The following RESP18 variants were observed in gnomAD, a reference collection of about 807,000 sequenced individuals.
The protein encoded by RESP18 is regulated endocrine-specific protein 18.
Under a neutral mutation model 30.0 loss-of-function variants are expected in RESP18, and 30 were observed. The ratio of observed to expected loss-of-function variants is 1.00; its 90% CI spans 0.75 to 1.36. RESP18 has a LOEUF of 1.36. Ranked by LOEUF, RESP18 falls within the 40% of genes most tolerant of loss-of-function variation. The probability of loss-of-function intolerance (pLI) is 0.00; values close to 1 mark genes in which losing one functional copy is unlikely to be tolerated. For missense variants in RESP18, 320 were observed against 284.2 expected, an observed-to-expected ratio of 1.13 and a Z score of -0.91; for synonymous variants, 117 against 111.2, an observed-to-expected ratio of 1.05 and a Z score of -0.33.
intron 4 of RESP18, 185 bp downstream of exon 3, chr2:219,329,452 A>G: frequency 6.4e-7 from 1 of 1,550,396 alleles, no homozygotes; most frequent in Non-Finnish European, 8.7e-7. Context: ...TGCCACACCC[A>G]CCTCCCCTCC....
At chr2:219,327,705 C>T (rs1952788058) in intron 6 of RESP18, 142 bp from the exon 6 acceptor site, 4 of 732,422 alleles carry the variant, frequency 5.5e-6, no homozygotes, top group Non-Finnish European at 7.2e-6. Flanking sequence ...CAACTGAGAG[C>T]CTGTCCCCTT....
Position 219,329,691 on chromosome 2 carries a change from G to A in RESP18, c.411C>T (p.Pro137=), listed in dbSNP as rs1574948109. Residue 137 remains proline, a synonymous_variant, in exon 4 of 7, where the codon CCC becomes CCT. Transcript: ENST00000333527. ...TCCCATCCTTCAGGCATGGTTCTTG[G>A]GGATGCAGTCTGCTGGCATGCTCCA... is the stretch of plus-strand genomic sequence containing the variant. 1.3e-6 allele frequency: 2 copies of A among 1,551,608 alleles called. No individual in the cohort carries two copies. The highest frequency in any genetic ancestry group is 1.7e-6 in the Non-Finnish European group (2 of 1,146,984).
intron 2 of RESP18, 118 bp from the exon 2 acceptor site, chr2:219,330,993 C>T: frequency 1.5e-6 from 1 of 654,838 alleles, no homozygotes; most frequent in Non-Finnish European, 2.8e-6. Flanking sequence ...GTTCCCACTA[C>T]CAGGCCGCTT....
At chr2:219,328,890 C>G (rs1448594091) in intron 6 of RESP18, 34 bp downstream of exon 5, 2 of 1,380,364 alleles carry the variant, frequency 1.4e-6, no homozygotes, top group Non-Finnish European at 2.0e-6. Flanking sequence ...GAAAACTCTG[C>G]TGTTTCAATG....
chr2:219,329,574 T>A lies in RESP18; in HGVS notation c.465+63A>T, dbSNP rs560255002. On this transcript the variant is annotated intron_variant, in intron 4 of 6. Coordinates refer to ENST00000333527, the MANE Select transcript of RESP18 (RefSeq NM_001007089.4). ...TTCTACCTGCAGTTTTAGCACACATTCCTTCCCTGTTCCGTCTGTCTGCCA... is the reference window on the plus strand; with the variant it reads ...TTCTACCTGCAGTTTTAGCACACATACCTTCCCTGTTCCGTCTGTCTGCCA... 29 of 1,546,536 alleles carry A rather than the reference T, an allele frequency of 1.9e-5. No individual in the cohort carries two copies. In the South Asian group the frequency reaches 3.1e-4, roughly 17 times the overall value.
rs1184928460 is a variant in RESP18, at chr2:219,332,759, G to A, written c.18-21C>T. ...CGAATCTGTTTAACCCTCCTCGGCAGTTCAGCCAATCGTGAGCGGGCCCTG... is the reference window on the plus strand; with the variant it reads ...CGAATCTGTTTAACCCTCCTCGGCAATTCAGCCAATCGTGAGCGGGCCCTG... On this transcript the variant is annotated intron_variant, in intron 1 of 6. Transcript: ENST00000333527. 1.3e-6 allele frequency: 2 copies of A among 1,515,874 alleles called. No homozygotes were observed. The highest frequency in any genetic ancestry group is 2.5e-5 in the East Asian group (1 of 40,246). The allele number at this position is 1,515,874 out of a possible 1,614,324, so 93.9% of individuals were successfully genotyped here.
rs1574947694 is a variant in RESP18, at chr2:219,329,107, A to G, written c.555+56T>C. On this transcript the variant is annotated intron_variant, in intron 5 of 6. Coordinates refer to ENST00000333527, the MANE Select transcript of RESP18 (RefSeq NM_001007089.4). ...CCTCAATGCCCATTCCCTTCTTCCT[A>G]TCTGCCTCCCTCATTTAAACAGGTC... 9.3e-6 allele frequency: 14 copies of G among 1,502,446 alleles called. No homozygotes were observed. The East Asian group carries it at 2.7e-4, about 29-fold the overall frequency. The allele number at this position is 1,502,446 out of a possible 1,614,324, so 93.1% of individuals were successfully genotyped here.
rs768070245 is a variant in RESP18, at chr2:219,332,552, C to T, written c.204G>A (p.Pro68=). The stretch of plus-strand genomic sequence containing the variant: ...GGGCACTAGTGTCGCTGCAGCCCCC[C>T]GGGCAGCTGTTCAGCAGCAGGAAGC... Residue 68 remains proline (P), a synonymous_variant, in exon 2 of 7, where the codon CCG becomes CCA. Coordinates refer to ENST00000333527, the MANE Select transcript of RESP18 (RefSeq NM_001007089.4). 3.9e-5 allele frequency: 61 copies of T among 1,551,298 alleles called. No individual in the cohort carries two copies. In the African/African-American group the frequency reaches 6.6e-4, roughly 17 times the overall value.
chr2:219,330,940 G>T (rs1574948915), intron 2 of RESP18, 65 bp from the exon 2 acceptor site: 1 of 940,988 alleles, frequency 1.1e-6, no homozygotes, highest in East Asian at 2.6e-5. Context: ...CAGTTGAAGA[G>T]AAGCAGCTTC....
At chr2:219,330,457 C>G (rs1952818022) in intron 3 of RESP18, among the ~76,000 whole-genome samples, 1 of 151,672 alleles carries the variant, frequency 6.6e-6, no homozygotes, top group South Asian at 2.1e-4. Flanking sequence ...AGAGTCCTGG[C>G]TTTGGAAAAG....
intron 6 of RESP18, 127 bp from the exon 6 acceptor site, chr2:219,327,690 C>T (rs1178681671): frequency 1.0e-5 from 8 of 788,776 alleles, no homozygotes; most frequent in Non-Finnish European, 1.5e-5. Context: ...ATGGTGACAG[C>T]TCACCAACTG....
chr2:219,329,410 A>G (rs1462732232), intron 4 of RESP18, 158 bp from the exon 4 acceptor site: 6 of 1,550,972 alleles, frequency 3.9e-6, no homozygotes, highest in Admixed American at 2.0e-5. Context: ...TCTTGCTAGA[A>G]GAGACAGGGA....
At chr2:219,329,036 C>T in intron 5 of RESP18, 28 bp from the exon 5 acceptor site, 2 of 1,523,756 alleles carry the variant, frequency 1.3e-6, no homozygotes, top group South Asian at 1.2e-5. Flanking sequence ...TTAGAAGTAC[C>T]TTTGATTAGG....
chr2:219,329,768 C>T lies in RESP18; in HGVS notation c.338-4G>A. On this transcript the variant is annotated splice_region_variant and splice_polypyrimidine_tract_variant and intron_variant, in intron 3 of 6. Coordinates refer to ENST00000333527, the MANE Select transcript of RESP18 (RefSeq NM_001007089.4). ...ATGTCATCCTTCCAGAACAGACCTG[C>T]AGGATGAAAGGATGGGGGGTGAGTT... 6.4e-7 allele frequency: 1 copy of T among 1,550,772 alleles called. No homozygotes were observed. The highest frequency in any genetic ancestry group is 8.7e-7 in the Non-Finnish European group (1 of 1,146,340).
chr2:219,331,729 C>T (rs1460911969), intron 2 of RESP18, among the ~76,000 whole-genome samples: 9 of 152,140 alleles, frequency 5.9e-5, no homozygotes, highest in African/African-American at 2.2e-4. Context: ...TCGGCGTGGA[C>T]CCGGAGCGCG....
chr2:219,329,490 A>G, intron 4 of RESP18, 147 bp downstream of exon 3: 1 of 1,547,226 alleles, frequency 6.5e-7, no homozygotes, highest in East Asian at 2.4e-5. Context: ...ATGGATCATG[A>G]AATTCTTCTC....
At chr2:219,330,619 A>C (rs1296860150) in intron 3 of RESP18, among the ~76,000 whole-genome samples, 152 bp downstream of exon 2, 2 of 143,048 alleles carry the variant, frequency 1.4e-5, no homozygotes, top group African/African-American at 5.9e-5. Flanking sequence ...TCCCACTCCT[A>C]CTCCTGTCTC....
chr2:219,329,496 T>C, intron 4 of RESP18, 141 bp downstream of exon 3: 1 of 1,544,308 alleles, frequency 6.5e-7, no homozygotes, highest in Non-Finnish European at 8.7e-7. Flanking sequence ...CATGAAATTC[T>C]TCTCTGCTGA....
rs527618015 is a variant in RESP18, at chr2:219,331,777, A to T, written c.232+747T>A. ...CGTGGTGCTGAGAGGTGGGGAGGCC[A>T]GCGTGGCGGCGGCGCTGGGCGGAAT... On this transcript the variant is annotated intron_variant, in intron 2 of 6. Transcript: ENST00000333527. 5.3e-5 allele frequency among the ~76,000 whole-genome samples: 8 copies of T among 152,312 alleles called. No homozygotes were observed. The East Asian group carries it at 1.4e-3, about 26-fold the overall frequency.
Sources: gnomAD v4.1 joint callset for allele counts (sites outside exome capture counted in the v4.1 genomes callset) on GRCh38, gnomAD v4.1.1 for gene constraint, MANE v1.5 for transcripts, NCBI Gene and HGNC (gene_info 2026-07-23, HGNC 2026-07-21) for gene names.